SLC16A7: variants seen among roughly 807,000 people sequenced by gnomAD.
SLC16A7 encodes the protein monocarboxylate transporter 2.
A neutral mutation model predicts 34.9 loss-of-function variants in SLC16A7; 33 were observed. The observed-to-expected ratio is 0.94, with a 90% CI of 0.72 to 1.26. SLC16A7 has a LOEUF of 1.26. SLC16A7 is among the 50% of genes most tolerant of loss of function. The pLI is 0.00. For synonymous variants in SLC16A7, 201 were observed against 206.6 expected (o/e 0.97, Z 0.23); for missense variants, 573 against 578.1 (o/e 0.99, Z 0.09).
chr12:59,686,973 A>T (rs556688018), intron 2 of SLC16A7, among the ~76,000 whole-genome samples: 10 of 152,194 alleles, frequency 6.6e-5, no homozygotes, highest in African/African-American at 2.4e-4. Context: ...GTGAGGTGCT[A>T]TGTACGTTAA....
chr12:59,642,772 A>T (rs1016476484), intron 1 of SLC16A7, among the ~76,000 whole-genome samples: 1 of 152,118 alleles, frequency 6.6e-6, no homozygotes, highest in East Asian at 1.9e-4. Flanking sequence ...TTGACTAACC[A>T]TCAATTAAGA....
At chr12:59,644,912 G>T (rs533293051) in intron 1 of SLC16A7, among the ~76,000 whole-genome samples, 1 of 152,196 alleles carries the variant, frequency 6.6e-6, no homozygotes, top group Non-Finnish European at 1.5e-5. Context: ...TTTTCATGAA[G>T]TAAGTAAAAA....
At chr12:59,763,665 G>A (rs1881246731) in intron 3 of SLC16A7, among the ~76,000 whole-genome samples, 1 of 152,066 alleles carries the variant, frequency 6.6e-6, no homozygotes, top group Non-Finnish European at 1.5e-5. Context: ...TGCAAATACT[G>A]CATTAATTAC....
intron 3 of SLC16A7, among the ~76,000 whole-genome samples, chr12:59,715,156 T>A (rs1339007578): frequency 6.6e-6 from 1 of 152,232 alleles, no homozygotes; most frequent in East Asian, 1.9e-4. Flanking sequence ...AGTTATGCTC[T>A]ATAAAGTTGC....
rs930925458 is a variant in SLC16A7, at chr12:59,728,294, A to G, written c.217+23276A>G. Among the ~76,000 whole-genome samples the G allele has an allele frequency of 4.3e-4, 65 of 152,116 alleles. 1 individual carries two copies. Among genetic ancestry groups the G allele is most frequent in the Non-Finnish European group, 3.5e-4 (24 of 68,006 alleles). On this transcript the variant is annotated intron_variant, in intron 3 of 5. Coordinates refer to ENST00000547379, the MANE Select transcript of SLC16A7 (RefSeq NM_001270623.2). ...CACTGCTAATTCTCTGAGTTCAAACACTTCCTTTAGTGACATCCTGGCATC... is the reference window on the plus strand; with the variant it reads ...CACTGCTAATTCTCTGAGTTCAAACGCTTCCTTTAGTGACATCCTGGCATC...
chr12:59,693,359 A>G (rs1007203751), intron 2 of SLC16A7, among the ~76,000 whole-genome samples: 2 of 151,980 alleles, frequency 1.3e-5, no homozygotes, highest in African/African-American at 4.8e-5. Flanking sequence ...AAATAAAGGA[A>G]CATTCTAATA....
At chr12:59,700,642 A>G (rs1872767408) in intron 2 of SLC16A7, among the ~76,000 whole-genome samples, 1 of 151,374 alleles carries the variant, frequency 6.6e-6, no homozygotes, top group Non-Finnish European at 1.5e-5. Context: ...ATATACATAT[A>G]CACACGTACA....
rs988714799 is a variant in SLC16A7 at position 59,645,121 on chromosome 12, T to G, written c.-129-10031T>G. Among the ~76,000 whole-genome samples, 4 of 152,156 alleles carry G rather than the reference T, an allele frequency of 2.6e-5. No homozygotes were observed. The East Asian group carries it at 7.7e-4, about 29-fold the overall frequency. On this transcript the variant is annotated intron_variant, in intron 1 of 5. Coordinates refer to ENST00000547379, the MANE Select transcript of SLC16A7 (RefSeq NM_001270623.2). ...GGGGAGAAACCTTTAAATTGGGTCT[T>G]GAGGAATAAATAGGAGCTTGCTCAA...
chr12:59,640,921 T>C (rs981418055), intron 1 of SLC16A7, among the ~76,000 whole-genome samples: 2 of 152,040 alleles, frequency 1.3e-5, no homozygotes, highest in African/African-American at 4.8e-5. Flanking sequence ...TATGAAAAAA[T>C]GACTTATGTG....
At chr12:59,656,951 G>A (rs75912612) in intron 2 of SLC16A7, among the ~76,000 whole-genome samples, 7,533 of 151,954 alleles carry the variant, frequency 0.05, 222 homozygotes, top group Middle Eastern at 0.12. Context: ...ATTATAATCT[G>A]AGCATCAGTT....
chr12:59,718,402 A>G (rs1438513113), intron 3 of SLC16A7, among the ~76,000 whole-genome samples: 1 of 152,126 alleles, frequency 6.6e-6, no homozygotes, highest in Admixed American at 6.6e-5. Context: ...AGGCATTGAC[A>G]TAGTGGAATA....
chr12:59,687,860 T>C (rs544173419), intron 2 of SLC16A7, among the ~76,000 whole-genome samples: 50 of 152,234 alleles, frequency 3.3e-4, no homozygotes, highest in African/African-American at 1.2e-3. Context: ...TACATTCCAT[T>C]GGCAAAAGGC....
At chr12:59,748,817 A>G (rs1879184517) in intron 3 of SLC16A7, among the ~76,000 whole-genome samples, 1 of 152,220 alleles carries the variant, frequency 6.6e-6, no homozygotes, top group African/African-American at 2.4e-5. Flanking sequence ...AGACTTACCT[A>G]TAGATATGCA....
intron 3 of SLC16A7, among the ~76,000 whole-genome samples, chr12:59,732,151 C>T (rs370677049): frequency 7.9e-5 from 12 of 152,110 alleles, no homozygotes; most frequent in East Asian, 1.9e-4. Flanking sequence ...GGCACAGTGG[C>T]GCATGCCTGT....
intron 2 of SLC16A7, chr12:59,696,382 T>C (rs1410789595): frequency 6.6e-6 from 1 of 152,032 alleles, no homozygotes; most frequent in Non-Finnish European, 1.5e-5. Context: ...ATTTGTTTTC[T>C]ATTTCTTTAG....
chr12:59,627,339 G>C (rs546988705), intron 1 of SLC16A7, among the ~76,000 whole-genome samples: 1 of 151,938 alleles, frequency 6.6e-6, no homozygotes, highest in South Asian at 2.1e-4. Context: ...TGATAGACCA[G>C]TATTTGCATT....
chr12:59,712,903 T>G (rs769569495), intron 3 of SLC16A7, among the ~76,000 whole-genome samples: 2 of 152,342 alleles, frequency 1.3e-5, no homozygotes, highest in Admixed American at 1.3e-4. Flanking sequence ...GATAGATACA[T>G]GTGGTTAAGT....
Position 59,596,103 on chromosome 12 carries a change from T to G in SLC16A7, c.-263T>G, listed in dbSNP as rs1417599374. On this transcript the variant is annotated 5_prime_UTR_variant, in exon 1 of 6. Coordinates refer to ENST00000547379, the MANE Select transcript of SLC16A7 (RefSeq NM_001270623.2). The surrounding 1 kb of genome is among the most constrained non-coding windows in gnomAD (Gnocchi z 5.0). ...CCACCGCCTCCTTCTCCGCTGGCTGTGGCGGGCGAGGACACGTCAGGGGCC... is the reference window on the plus strand; with the variant it reads ...CCACCGCCTCCTTCTCCGCTGGCTGGGGCGGGCGAGGACACGTCAGGGGCC... The G allele has an allele frequency of 6.6e-6, 1 of 152,092 alleles. No individual in the cohort carries two copies. The highest frequency in any genetic ancestry group is 1.5e-5 in the Non-Finnish European group (1 of 68,080). The allele number at this position is 152,092 out of a possible 1,614,324, so 9.4% of individuals were successfully genotyped here. A position where few individuals can be genotyped will look rare whatever the true frequency, so the allele number is the denominator to read the frequency against.
rs570366481 is a variant in SLC16A7 at position 59,625,174 on chromosome 12, T to C, written c.-130+28938T>C. ...CAATAATGAACTCAGAAATTTGAAA[T>C]ATGGAGGAGTTTTCTGAAGCCTGAT... On this transcript the variant is annotated intron_variant, in intron 1 of 5. Coordinates refer to ENST00000547379, the MANE Select transcript of SLC16A7 (RefSeq NM_001270623.2). 2.0e-5 allele frequency among the ~76,000 whole-genome samples: 3 copies of C among 151,804 alleles called. No homozygotes were observed. The South Asian group carries it at 6.2e-4, about 32-fold the overall frequency.
Sources: gnomAD v4.1 joint callset for allele counts (sites outside exome capture counted in the v4.1 genomes callset) on GRCh38, gnomAD v4.1.1 for gene constraint, Gnocchi (gnomAD v3.1) non-coding constraint, MANE v1.5 for transcripts, NCBI Gene and HGNC (gene_info 2026-07-23, HGNC 2026-07-21) for gene names.